The following ENTHD1 variants were observed in gnomAD, a reference collection of about 807,000 sequenced individuals.
The protein encoded by ENTHD1 is ENTH domain containing 1, also known as ENTH domain-containing protein 1.
Under a neutral mutation model 39.1 loss-of-function variants are expected in ENTHD1, and 23 were observed. That is an observed-to-expected ratio of 0.59 (90% CI 0.42 to 0.83). The LOEUF (loss-of-function observed/expected upper bound fraction) is 0.83, where lower values mean the gene tolerates loss of function less well. ENTHD1 is among the 40% of genes least tolerant of loss of function. ENTHD1 has a pLI of 0.00. For synonymous variants in ENTHD1, 230 were observed against 258.2 expected (o/e 0.89, Z 1.05); for missense variants, 624 against 705.4 (o/e 0.88, Z 1.31).
chr22:39,868,453 A>T (rs893174003), intron 2 of ENTHD1, among the ~76,000 whole-genome samples: 33 of 152,310 alleles, frequency 2.2e-4, no homozygotes, highest in African/African-American at 7.5e-4. Flanking sequence ...ACACATTTTT[A>T]AAATCTAACG....
chr22:39,749,921 C>T (rs2065135823), intron 6 of ENTHD1, among the ~76,000 whole-genome samples: 1 of 152,156 alleles, frequency 6.6e-6, no homozygotes, highest in Non-Finnish European at 1.5e-5. Flanking sequence ...CTAAGGTGTG[C>T]GAGCAGACAC....
In ENTHD1 at chr22:39,869,246, G is replaced by A. The variant is rs181858242; in HGVS notation, c.350-7239C>T. On this transcript the variant is annotated intron_variant, in intron 2 of 6. Coordinates refer to ENST00000325157, the MANE Select transcript of ENTHD1 (RefSeq NM_152512.4). ...CCATCAATGGTGGATTGAATGAAGA[G>A]AGTGTGGTACATATACCACGAAATA... 5.4e-3 allele frequency among the ~76,000 whole-genome samples: 827 copies of A among 152,298 alleles called. 8 individuals carry two copies. The highest frequency in any genetic ancestry group is 0.02 in the Middle Eastern group (6 of 294).
At chr22:39,833,941 CAAAAAAAAA>C (rs59299623) in intron 4 of ENTHD1, among the ~76,000 whole-genome samples, 2 of 117,928 alleles carry the variant, frequency 1.7e-5, no homozygotes, top group Non-Finnish European at 1.7e-5. Flanking sequence ...TATACTTGGG[CAAAAAAAAA>C]AAAAAAAAAA....
intron 2 of ENTHD1, chr22:39,875,647 A>G (rs1208269094): frequency 3.1e-6 from 5 of 1,612,144 alleles, no homozygotes; most frequent in Non-Finnish European, 4.2e-6. Context: ...TGGTAACTGG[A>G]GTAACTACTG....
chr22:39,795,152 G>T (rs1405370641), intron 5 of ENTHD1, among the ~76,000 whole-genome samples: 1 of 152,096 alleles, frequency 6.6e-6, no homozygotes, highest in African/African-American at 2.4e-5. Context: ...TGTGCTGTTG[G>T]ATTCAGTTTG....
intron 5 of ENTHD1, among the ~76,000 whole-genome samples, chr22:39,789,070 C>T (rs1281921271): frequency 2.0e-5 from 3 of 152,094 alleles, no homozygotes; most frequent in Non-Finnish European, 2.9e-5. Context: ...ACCCATAATA[C>T]ATCCAAGGTA....
chr22:39,869,811 TAAAAC>T (rs1569176294), intron 2 of ENTHD1, among the ~76,000 whole-genome samples: 1 of 151,304 alleles, frequency 6.6e-6, no homozygotes. Flanking sequence ...TATAAAAGTA[TAAAAC>T]AAAACAAAGG....
chr22:39,822,018 A>C (rs771503444), intron 4 of ENTHD1, among the ~76,000 whole-genome samples: 3 of 152,246 alleles, frequency 2.0e-5, no homozygotes, highest in Non-Finnish European at 4.4e-5. Context: ...AGACGACAGC[A>C]ATCTCTAACT....
Position 39,814,825 on chromosome 22 carries a change from T to C in ENTHD1, c.832+6168A>G, listed in dbSNP as rs2065721145. Among the ~76,000 whole-genome samples, 4 of 152,302 alleles carry C rather than the reference T, an allele frequency of 2.6e-5. No homozygotes were observed. The Middle Eastern group carries it at 0.014, about 518-fold the overall frequency. Reference sequence around the variant, plus strand: ...AATGTTAGTCTATATAGAATTATCTTTATAGTCTTGAATAAGAATTTCTTA... The same window carrying C: ...AATGTTAGTCTATATAGAATTATCTCTATAGTCTTGAATAAGAATTTCTTA... On this transcript the variant is annotated intron_variant, in intron 5 of 6. Coordinates refer to ENST00000325157, the MANE Select transcript of ENTHD1 (RefSeq NM_152512.4).
At chr22:39,792,879 T>C (rs868041785) in intron 5 of ENTHD1, among the ~76,000 whole-genome samples, 2 of 152,214 alleles carry the variant, frequency 1.3e-5, no homozygotes, top group African/African-American at 2.4e-5. Context: ...TTGTGAATAA[T>C]GCTTCAGTAA....
chr22:39,821,329 G>A (rs1039993747), intron 4 of ENTHD1, among the ~76,000 whole-genome samples: 1 of 151,960 alleles, frequency 6.6e-6, no homozygotes, highest in African/African-American at 2.4e-5. Context: ...AGACACCGTC[G>A]GTAGATAGCA....
intron 5 of ENTHD1, among the ~76,000 whole-genome samples, chr22:39,793,607 A>G (rs2065523025): frequency 1.3e-5 from 2 of 152,112 alleles, no homozygotes; most frequent in Admixed American, 1.3e-4. Flanking sequence ...GTTTTCTTCA[A>G]GTAGTTTTAT....
chr22:39,757,226 T>C (rs980902664), intron 6 of ENTHD1, among the ~76,000 whole-genome samples: 2 of 152,220 alleles, frequency 1.3e-5, no homozygotes, highest in Non-Finnish European at 2.9e-5. Flanking sequence ...TGAAAAATGC[T>C]ACTGTAAATG....
chr22:39,831,612 G>A (rs2065869730), intron 4 of ENTHD1, among the ~76,000 whole-genome samples: 1 of 152,104 alleles, frequency 6.6e-6, no homozygotes, highest in African/African-American at 2.4e-5. Flanking sequence ...ATCACCTGAG[G>A]TCAGGAGTTC....
intron 5 of ENTHD1, among the ~76,000 whole-genome samples, chr22:39,793,348 T>A (rs2065520767): frequency 6.6e-6 from 1 of 151,796 alleles, no homozygotes; most frequent in Non-Finnish European, 1.5e-5. Flanking sequence ...GTTGTTTTTT[T>A]TTTTTTTGCT....
At chr22:39,886,909 T>C (rs931052735) in intron 2 of ENTHD1, among the ~76,000 whole-genome samples, 4 of 152,248 alleles carry the variant, frequency 2.6e-5, no homozygotes, top group Non-Finnish European at 5.9e-5. Flanking sequence ...ATTATAATTA[T>C]AAATTACAGT....
At chr22:39,879,359 A>G (rs1203371656) in intron 2 of ENTHD1, among the ~76,000 whole-genome samples, 2 of 143,354 alleles carry the variant, frequency 1.4e-5, no homozygotes, top group African/African-American at 5.1e-5. Context: ...GCTACTTGGG[A>G]GGCTGAGGCA....
At chr22:39,814,124 C>A (rs2146637665) in intron 5 of ENTHD1, among the ~76,000 whole-genome samples, 1 of 152,138 alleles carries the variant, frequency 6.6e-6, no homozygotes, top group East Asian at 1.9e-4. Context: ...TAGAGCCAAT[C>A]AAAACTCCAA....
chr22:39,875,755 G>A (rs922974020), intron 2 of ENTHD1: 647 of 1,613,222 alleles, frequency 4.0e-4, no homozygotes, highest in Non-Finnish European at 5.1e-4. Context: ...TCGAAATCAA[G>A]TTATCCGATA....
Sources: gnomAD v4.1 joint callset for allele counts (sites outside exome capture counted in the v4.1 genomes callset) on GRCh38, gnomAD v4.1.1 for gene constraint, MANE v1.5 for transcripts, NCBI Gene and HGNC (gene_info 2026-07-23, HGNC 2026-07-21) for gene names.